The following PPP1R7 variants were observed in gnomAD, a reference collection of about 807,000 sequenced individuals.
PPP1R7 encodes the protein protein phosphatase 1 regulatory subunit 22.
In PPP1R7, 18 loss-of-function variants were observed where a neutral mutation model predicts 45.2. The observed-to-expected ratio is 0.40, with a 90% CI of 0.28 to 0.59. The LOEUF is 0.59. PPP1R7 is among the 20% of genes least tolerant of loss of function. The pLI is 0.46. For synonymous variants in PPP1R7, 181 were observed against 183.4 expected (o/e 0.99, Z 0.11); for missense variants, 314 against 455.8 (o/e 0.69, Z 2.83).
Position 241,157,876 on chromosome 2 carries a change from C to G in PPP1R7, c.237+14C>G, listed in dbSNP as rs1027424330. ...AGAGATGCAGAGGTAATGCCGCCTG[C>G]TCAGCCCAGCCTTGGGCGTGGTGAT... is the stretch of plus-strand genomic sequence containing the variant. On this transcript the variant is annotated intron_variant, in intron 3 of 9. Coordinates refer to ENST00000234038, the MANE Select transcript of PPP1R7 (RefSeq NM_002712.3). The G allele has an allele frequency of 6.2e-7, 1 of 1,611,798 alleles. No homozygotes were observed. Among genetic ancestry groups the G allele is most frequent in the African/African-American group, 1.3e-5 (1 of 74,892 alleles).
chr2:241,181,310 C>G (rs1300137134), intron 9 of PPP1R7, among the ~76,000 whole-genome samples: 1 of 152,116 alleles, frequency 6.6e-6, no homozygotes, highest in Non-Finnish European at 1.5e-5. Flanking sequence ...CTGGCTGTGA[C>G]AGTGGACCTG....
At chr2:241,175,748 A>G (rs1281440982) in intron 9 of PPP1R7, among the ~76,000 whole-genome samples, 1 of 151,252 alleles carries the variant, frequency 6.6e-6, no homozygotes, top group Non-Finnish European at 1.5e-5. Context: ...GTGTGCACCA[A>G]TGACCTGGCT....
chr2:241,174,882 A>G (rs2067883594), intron 9 of PPP1R7, among the ~76,000 whole-genome samples: 3 of 151,954 alleles, frequency 2.0e-5, no homozygotes, highest in African/African-American at 4.8e-5. Flanking sequence ...TCACTGTGTT[A>G]GCCAGGACAG....
intron 2 of PPP1R7, 112 bp from the exon 3 acceptor site, chr2:241,157,695 T>G: frequency 9.7e-7 from 1 of 1,029,160 alleles, no homozygotes; most frequent in South Asian, 1.4e-5. Flanking sequence ...CTCCTCGGGG[T>G]TTGAGCTGGC....
chr2:241,177,933 T>G (rs2067935290), intron 9 of PPP1R7, among the ~76,000 whole-genome samples: 1 of 152,276 alleles, frequency 6.6e-6, no homozygotes, highest in Admixed American at 6.5e-5. Flanking sequence ...GATGCTCTGT[T>G]GGCAGATGCT....
chr2:241,174,098 A>G (rs6437244), intron 9 of PPP1R7, among the ~76,000 whole-genome samples: 65,485 of 152,024 alleles, frequency 0.43, 14,423 homozygotes, highest in Middle Eastern at 0.56. Context: ...CTGACAGGCA[A>G]TTAAGTTACA....
At chr2:241,182,562 A>C in intron 9 of PPP1R7, 85 bp from the exon 10 acceptor site, 3 of 1,513,270 alleles carry the variant, frequency 2.0e-6, no homozygotes, top group Non-Finnish European at 2.7e-6. Context: ...CTGAGTGGGA[A>C]GGAGGAGGGT....
Position 241,182,660 on chromosome 2 carries a change from T to G in PPP1R7, c.920T>G (p.Leu307Arg). 6.2e-7 allele frequency: 1 copy of G among 1,614,014 alleles called. No individual in the cohort carries two copies. The highest frequency in any genetic ancestry group is 8.5e-7 in the Non-Finnish European group (1 of 1,179,992). ...GTGTGTCCCCAGATGAACGACAATC[T>G]CCTTGAGAGCTGGAGCGACCTCGAC... ...ELQEFWMNDN[L>R]LESWSDLDEL... Residue 307 changes from leucine to arginine, a missense_variant, in exon 10 of 10, where the codon CTC becomes CGC. Physicochemically the swap from Leu to Arg is moderately radical, Grantham distance 102. Around this residue, in one of 3 missense-constraint regions of PPP1R7, gnomAD observed 168 missense variants for 285.3 expected, o/e 0.59. Transcript: ENST00000234038.
At chr2:241,164,498 C>T (rs539388174) in intron 7 of PPP1R7, among the ~76,000 whole-genome samples, 6 of 152,248 alleles carry the variant, frequency 3.9e-5, no homozygotes, top group South Asian at 2.1e-4. Context: ...GCTCTGGGGA[C>T]GAGGCCCGGT....
chr2:241,162,906 A>G (rs889960963), intron 6 of PPP1R7, among the ~76,000 whole-genome samples: 1 of 152,088 alleles, frequency 6.6e-6, no homozygotes, highest in Non-Finnish European at 1.5e-5. Context: ...GATGGTCTCT[A>G]TCTGACCTTG....
At chr2:241,171,006 GA>G (rs1201592954) in intron 9 of PPP1R7, among the ~76,000 whole-genome samples, 1 of 152,198 alleles carries the variant, frequency 6.6e-6, no homozygotes, top group Non-Finnish European at 1.5e-5. Flanking sequence ...ACAACACAAA[GA>G]AACCAAACAA....
At chr2:241,161,643 T>C (rs1240150457) in intron 6 of PPP1R7, among the ~76,000 whole-genome samples, 2 of 152,222 alleles carry the variant, frequency 1.3e-5, no homozygotes, top group African/African-American at 4.8e-5. Flanking sequence ...TAAAAGAATT[T>C]TGAAAAGTGA....
chr2:241,179,774 C>CA (rs1241065193), intron 9 of PPP1R7, among the ~76,000 whole-genome samples: 2 of 152,222 alleles, frequency 1.3e-5, no homozygotes, highest in Non-Finnish European at 2.9e-5. Context: ...TCTATGGAGA[C>CA]AGAGTCTCAT....
rs761645224 is a variant in PPP1R7 at position 241,159,183 on chromosome 2, G to C, written c.304-30G>C. The C allele has an allele frequency of 4.3e-6, 7 of 1,610,024 alleles. No homozygotes were observed. The Admixed American group carries it at 1.2e-4, about 27-fold the overall frequency. ...CCTTCTCGTGGCCTCCCCCTTGCCT[G>C]TGTCAATTGTCCCTTTTCCCATCCC... On this transcript the variant is annotated intron_variant, in intron 4 of 9. Coordinates refer to ENST00000234038, the MANE Select transcript of PPP1R7 (RefSeq NM_002712.3).
chr2:241,163,603 TA>T (rs1430200401), intron 7 of PPP1R7, among the ~76,000 whole-genome samples: 4 of 152,232 alleles, frequency 2.6e-5, no homozygotes, highest in East Asian at 1.9e-4. Flanking sequence ...ATTTTTTATT[TA>T]TTTTTTTCAC....
chr2:241,164,916 C>T (rs941084490), intron 7 of PPP1R7, among the ~76,000 whole-genome samples: 2 of 151,824 alleles, frequency 1.3e-5, no homozygotes, highest in Non-Finnish European at 1.5e-5. Flanking sequence ...GGCATGGTGG[C>T]GGGCGCCTGT....
chr2:241,149,963 A>G, upstream of PPP1R7: 7 of 1,423,820 alleles, frequency 4.9e-6, no homozygotes, highest in Non-Finnish European at 6.4e-6. Context: ...TCGCATGGGT[A>G]AAATCCGCGC....
At chr2:241,168,598 T>C (rs1347958374) in intron 8 of PPP1R7, among the ~76,000 whole-genome samples, 1 of 152,046 alleles carries the variant, frequency 6.6e-6, no homozygotes, top group Non-Finnish European at 1.5e-5. Context: ...AGCCTGATAC[T>C]CTGTGAGCAG....
At chr2:241,172,653 AAAAAAG>A (rs1184526852) in intron 9 of PPP1R7, among the ~76,000 whole-genome samples, 1 of 152,038 alleles carries the variant, frequency 6.6e-6, no homozygotes, top group African/African-American at 2.4e-5. Flanking sequence ...CAAAAAAAAA[AAAAAAG>A]AAATTTAAAA....
Sources: gnomAD v4.1 joint callset for allele counts (sites outside exome capture counted in the v4.1 genomes callset) on GRCh38, gnomAD v4.1.1 for gene constraint, gnomAD v4.1.1 regional missense constraint, MANE v1.5 for transcripts, NCBI Gene and HGNC (gene_info 2026-07-23, HGNC 2026-07-21) for gene names.